The following RHOT1 variants were observed in gnomAD, a reference collection of about 807,000 sequenced individuals.
RHOT1 encodes mitochondrial Rho GTPase 1.
Under a neutral mutation model 95.3 loss-of-function variants are expected in RHOT1, and 27 were observed. That is an observed-to-expected ratio of 0.28 (90% CI 0.21 to 0.39). The LOEUF (loss-of-function observed/expected upper bound fraction) is 0.39, where lower values mean the gene tolerates loss of function less well. Among genes scored for constraint, RHOT1 ranks in the 10% least tolerant of loss-of-function variants. The pLI is 1.00. For missense variants in RHOT1, 578 were observed against 786.7 expected, an observed-to-expected ratio of 0.73 and a Z score of 3.17; for synonymous variants, 227 against 263.5, an observed-to-expected ratio of 0.86 and a Z score of 1.34.
chr17:32,148,977 C>G (rs2031802136), intron 1 of RHOT1, among the ~76,000 whole-genome samples: 1 of 152,136 alleles, frequency 6.6e-6, no homozygotes, highest in Admixed American at 6.6e-5. Context: ...GGATGACCTG[C>G]TTAGAAGCAT....
chr17:32,163,408 A>AT (rs894759923), intron 1 of RHOT1, among the ~76,000 whole-genome samples: 19 of 152,312 alleles, frequency 1.2e-4, no homozygotes, highest in African/African-American at 4.3e-4. Context: ...CATTTTTAAA[A>AT]TTTTTCTTTT....
rs116192944 is a variant in RHOT1, at chr17:32,194,056, G to A, written c.818G>A (p.Arg273Gln). 6.8e-6 allele frequency: 11 copies of A among 1,614,082 alleles called. No individual in the cohort carries two copies. The highest frequency in any genetic ancestry group is 6.7e-5 in the African/African-American group (5 of 75,032). ...RHETTWTVLR[R>Q]FGYDDDLDLT... ...GAAACTACTTGGACTGTGCTTCGACGATTTGGTTATGATGATGACCTGGAT... is the reference window on the plus strand; with the variant it reads ...GAAACTACTTGGACTGTGCTTCGACAATTTGGTTATGATGATGACCTGGAT... Residue 273 changes from arginine to glutamine, a missense_variant, in exon 11 of 20, where the codon CGA becomes CAA. This residue lies in a region of RHOT1 where 227 missense variants were observed against 316.0 expected (regional missense o/e 0.72). Transcript: ENST00000545287.
At chr17:32,197,016 G>C (rs968058326) in intron 11 of RHOT1, among the ~76,000 whole-genome samples, 2 of 150,736 alleles carry the variant, frequency 1.3e-5, no homozygotes, top group East Asian at 4.0e-4. Context: ...CCAGCTATTC[G>C]GGAGGCTGAG....
chr17:32,149,609 A>ATGTGTG (rs1429872003), intron 1 of RHOT1, among the ~76,000 whole-genome samples: 7 of 76,976 alleles, frequency 9.1e-5, no homozygotes, highest in African/African-American at 6.7e-4. Flanking sequence ...ATATATATAT[A>ATGTGTG]TATATATATA....
At position 32,143,018 on chromosome 17, in the gene RHOT1, G is replaced by A. The variant is rs577183798; in HGVS notation, c.37+289G>A. 3.4e-5 allele frequency: 24 copies of A among 703,064 alleles called. No homozygotes were observed. In the African/African-American group the frequency reaches 4.1e-4, roughly 12 times the overall value. 43.6% of individuals were successfully genotyped at this position (703,064 alleles called of 1,614,324 possible). A position where few individuals can be genotyped will look rare whatever the true frequency, so the allele number is the denominator to read the frequency against. ...AGCCATGTCCCTATTAGCCCTAACCGCCCGACCTCATCCCTCCGAAGCTTC... is the reference window on the plus strand; with the variant it reads ...AGCCATGTCCCTATTAGCCCTAACCACCCGACCTCATCCCTCCGAAGCTTC... On this transcript the variant is annotated intron_variant, in intron 1 of 19. Coordinates refer to ENST00000545287, the MANE Select transcript of RHOT1 (RefSeq NM_001033566.3).
At chr17:32,162,866 T>G (rs8078496) in intron 1 of RHOT1, among the ~76,000 whole-genome samples, 7,185 of 152,234 alleles carry the variant, frequency 0.047, 564 homozygotes, top group African/African-American at 0.16. Context: ...TAGGTAGAAT[T>G]TGAACCATCC....
intron 19 of RHOT1, 79 bp from the exon 20 acceptor site, chr17:32,224,537 A>C (rs1461674719): frequency 1.0e-6 from 1 of 990,182 alleles, no homozygotes; most frequent in African/African-American, 1.6e-5. Context: ...TACTTCCCTA[A>C]AAGTAGACTG....
intron 19 of RHOT1, chr17:32,221,188 T>A: frequency 4.6e-6 from 1 of 217,854 alleles, no homozygotes; most frequent in Non-Finnish European, 7.8e-6. Context: ...GCCAACACGG[T>A]AAAACCCTGT....
chr17:32,173,738 A>G (rs2034768390), intron 2 of RHOT1, 93 bp from the exon 3 acceptor site: 1 of 874,122 alleles, frequency 1.1e-6, no homozygotes, highest in African/African-American at 1.7e-5. Context: ...AGAAACACTC[A>G]ACCTGTGTAG....
intron 19 of RHOT1, among the ~76,000 whole-genome samples, chr17:32,222,601 A>G (rs1311564215): frequency 6.6e-6 from 1 of 152,082 alleles, no homozygotes; most frequent in Non-Finnish European, 1.5e-5. Context: ...GCAATTTGCT[A>G]TAGAATACAT....
intron 6 of RHOT1, among the ~76,000 whole-genome samples, chr17:32,177,509 A>C (rs903695584): frequency 6.6e-6 from 1 of 152,028 alleles, no homozygotes; most frequent in African/African-American, 2.4e-5. Context: ...TAATCCCAGC[A>C]CTTTGGGAGG....
intron 1 of RHOT1, among the ~76,000 whole-genome samples, chr17:32,157,312 T>C (rs1256345572): frequency 2.0e-5 from 3 of 152,130 alleles, no homozygotes; most frequent in Non-Finnish European, 4.4e-5. Context: ...GCCACTGTTA[T>C]TCAACAGTAA....
Position 32,147,477 on chromosome 17 carries a change from TA to T in RHOT1, c.37+4758del, listed in dbSNP as rs148104917. Among the ~76,000 whole-genome samples the T allele has an allele frequency of 8.1e-5, 12 of 147,650 alleles. No individual in the cohort carries two copies. The East Asian group carries it at 9.9e-4, about 12-fold the overall frequency. On this transcript the variant is annotated intron_variant, in intron 1 of 19. Transcript: ENST00000545287. ...CCTGCCTCTACTTTTTTTTAACTATTAAAAAAAAAAGCCATATTGCTTTCCA... is the reference window on the plus strand; with the variant it reads ...CCTGCCTCTACTTTTTTTTAACTATTAAAAAAAAAGCCATATTGCTTTCCA...
At chr17:32,163,676 G>A (rs2033774004) in intron 1 of RHOT1, among the ~76,000 whole-genome samples, 1 of 150,788 alleles carries the variant, frequency 6.6e-6, no homozygotes, top group Admixed American at 6.6e-5. Flanking sequence ...GTTGCAGTGA[G>A]CTGAGATCGT....
chr17:32,161,894 A>G (rs2033595332), intron 1 of RHOT1, among the ~76,000 whole-genome samples: 1 of 152,210 alleles, frequency 6.6e-6, no homozygotes. Context: ...GATTATACAA[A>G]TGAACAACCA....
chr17:32,153,921 G>C (rs1167964849), intron 1 of RHOT1, among the ~76,000 whole-genome samples: 2 of 152,174 alleles, frequency 1.3e-5, no homozygotes, highest in Non-Finnish European at 2.9e-5. Flanking sequence ...TGGTGGACTT[G>C]ATGGGACTTC....
At chr17:32,166,617 T>G (rs75938088) in intron 1 of RHOT1, among the ~76,000 whole-genome samples, 151 of 152,352 alleles carry the variant, frequency 9.9e-4, no homozygotes, top group African/African-American at 3.6e-3. Context: ...CCAGGTCCTT[T>G]GTTGTCATTT....
At chr17:32,162,832 A>C (rs1177517666) in intron 1 of RHOT1, among the ~76,000 whole-genome samples, 1 of 152,184 alleles carries the variant, frequency 6.6e-6, no homozygotes, top group Non-Finnish European at 1.5e-5. Context: ...AGTTCAAAGG[A>C]GGAAGTGGAG....
chr17:32,167,488 G>A lies in RHOT1; in HGVS notation c.38-3555G>A, dbSNP rs545871755. ...ACTACAGGCACCCACCACAATGCCCGGTTAATTTTTGTATTTTTAGTGGAG... is the reference window on the plus strand; with the variant it reads ...ACTACAGGCACCCACCACAATGCCCAGTTAATTTTTGTATTTTTAGTGGAG... On this transcript the variant is annotated intron_variant, in intron 1 of 19. Coordinates refer to ENST00000545287, the MANE Select transcript of RHOT1 (RefSeq NM_001033566.3). Among the ~76,000 whole-genome samples, 5 of 152,224 alleles carry A rather than the reference G, an allele frequency of 3.3e-5. No homozygotes were observed. The East Asian group carries it at 5.8e-4, about 18-fold the overall frequency.
Sources: gnomAD v4.1 joint callset for allele counts (sites outside exome capture counted in the v4.1 genomes callset) on GRCh38, gnomAD v4.1.1 for gene constraint, gnomAD v4.1.1 regional missense constraint, MANE v1.5 for transcripts, NCBI Gene and HGNC (gene_info 2026-07-23, HGNC 2026-07-21) for gene names.